OR52A5: variants seen among roughly 807,000 people sequenced by gnomAD.
The protein encoded by OR52A5 is olfactory receptor family 52 subfamily A member 5.
A neutral mutation model predicts 18.2 loss-of-function variants in OR52A5; 16 were observed. That is an observed-to-expected ratio of 0.88 (90% CI 0.60 to 1.34). OR52A5 has a LOEUF of 1.34. Ranked by LOEUF, OR52A5 falls within the 40% of genes most tolerant of loss-of-function variation. The probability of loss-of-function intolerance (pLI) is 0.00; values close to 1 mark genes in which losing one functional copy is unlikely to be tolerated. For missense variants in OR52A5, 418 were observed against 383.0 expected, an observed-to-expected ratio of 1.09 and a Z score of -0.76; for synonymous variants, 140 against 137.2, an observed-to-expected ratio of 1.02 and a Z score of -0.14.
chr11:5,132,695 T>C lies in OR52A5; in HGVS notation c.-53A>G. The C allele has an allele frequency of 2.6e-6, 3 of 1,153,618 alleles. No homozygotes were observed. Among genetic ancestry groups the C allele is most frequent in the Non-Finnish European group, 3.7e-6 (3 of 806,696 alleles). The allele number at this position is 1,153,618 out of a possible 1,614,324, so 71.5% of individuals were successfully genotyped here. Reference sequence around the variant, plus strand: ...ATTTGCTGTTTCATCTTCTATTCTCTGTTGAGCCTTGATGAATTAAAAATT... The same window carrying C: ...ATTTGCTGTTTCATCTTCTATTCTCCGTTGAGCCTTGATGAATTAAAAATT... On this transcript the variant is annotated 5_prime_UTR_variant, in exon 2 of 2. Transcript: ENST00000307388.
chr11:5,133,028 C>T (rs1159554529), intron 1 of OR52A5, among the ~76,000 whole-genome samples: 1 of 151,866 alleles, frequency 6.6e-6, no homozygotes, highest in Non-Finnish European at 1.5e-5. Flanking sequence ...TTATTTAATG[C>T]AGAGCAAAGA....
intron 1 of OR52A5, among the ~76,000 whole-genome samples, chr11:5,133,749 T>G (rs2133524558): frequency 6.6e-6 from 1 of 152,224 alleles, no homozygotes; most frequent in Admixed American, 6.5e-5. Context: ...ACATATACCC[T>G]CTAATTTTCA....
Position 5,132,663 on chromosome 11 carries a change from G to A in OR52A5, c.-21C>T, listed in dbSNP as rs1454136239. The A allele has an allele frequency of 2.0e-6, 3 of 1,489,540 alleles. No homozygotes were observed. Among genetic ancestry groups the A allele is most frequent in the South Asian group, 1.3e-5 (1 of 78,782 alleles). 92.3% of individuals were successfully genotyped at this position (1,489,540 alleles called of 1,614,324 possible). ...GGCATGATTTGTTCATCAGAATCAA[G>A]TGGTAGATTTGCTGTTTCATCTTCT... On this transcript the variant is annotated 5_prime_UTR_variant, in exon 2 of 2. Transcript: ENST00000307388.
At position 5,132,647 on chromosome 11, in the gene OR52A5, T is replaced by G. The variant is rs1237418831; in HGVS notation, c.-5A>C. The G allele has an allele frequency of 1.9e-6, 3 of 1,565,038 alleles. No homozygotes were observed. The African/African-American group carries it at 4.1e-5, about 21-fold the overall frequency. On this transcript the variant is annotated 5_prime_UTR_variant, in exon 2 of 2. Coordinates refer to ENST00000307388, the MANE Select transcript of OR52A5 (RefSeq NM_001005160.3). ...TGAGCCATTGAATGTCGGCATGATT[T>G]GTTCATCAGAATCAAGTGGTAGATT...
At position 5,131,476 on chromosome 11, in the gene OR52A5, A is replaced by G. The variant is rs1024245357; in HGVS notation, c.*216T>C. 8.8e-6 allele frequency: 3 copies of G among 341,596 alleles called. No homozygotes were observed. Among genetic ancestry groups the G allele is most frequent in the Non-Finnish European group, 1.6e-5 (3 of 186,592 alleles). The allele number at this position is 341,596 out of a possible 1,614,324, so 21.2% of individuals were successfully genotyped here. A position where few individuals can be genotyped will look rare whatever the true frequency, so the allele number is the denominator to read the frequency against. On this transcript the variant is annotated 3_prime_UTR_variant, in exon 2 of 2. Transcript: ENST00000307388. Reference sequence around the variant, plus strand: ...GTATTACTGATTTCATATTATTTTTATATTGATAAGTATTTCAGATAAAGT... The same window carrying G: ...GTATTACTGATTTCATATTATTTTTGTATTGATAAGTATTTCAGATAAAGT...
rs1489612921 is a variant in OR52A5 at position 5,135,645 on chromosome 11, G to T, written c.-61+2666C>A. ...TCTCTCTCAAGCCTGCTACCCAGAG[G>T]CTTCATCTGCATGATAAAACTTTGA... On this transcript the variant is annotated intron_variant, in intron 1 of 1. Transcript: ENST00000307388. Among the ~76,000 whole-genome samples, 5 of 152,134 alleles carry T rather than the reference G, an allele frequency of 3.3e-5. No homozygotes were observed. The South Asian group carries it at 8.3e-4, about 25-fold the overall frequency.
intron 1 of OR52A5, among the ~76,000 whole-genome samples, chr11:5,133,463 GA>G (rs1846363227): frequency 7.1e-6 from 1 of 140,902 alleles, no homozygotes; most frequent in Non-Finnish European, 1.5e-5. Context: ...CTTTAGTTTT[GA>G]AATCCACTGG....
chr11:5,131,742 G>C lies in OR52A5; in HGVS notation c.901C>G (p.Gln301Glu). 6.2e-7 allele frequency: 1 copy of C among 1,613,712 alleles called. No individual in the cohort carries two copies. Among genetic ancestry groups the C allele is most frequent in the South Asian group, 1.1e-5 (1 of 91,006 alleles). ...ACTTTCACAATATGGTCACGAATTT[G>C]CTTGGTCTTCACTCCATAGACAATA... ...NPIVYGVKTK[Q>E]IRDHIVKVFF... The change falls in exon 2 of 2, where the codon CAA becomes GAA. Residue 301 changes from glutamine to glutamate, a missense_variant. Gln to Glu is a conservative substitution (Grantham distance 29, BLOSUM62 2). Coordinates refer to ENST00000307388, the MANE Select transcript of OR52A5 (RefSeq NM_001005160.3).
rs529698874 is a variant in OR52A5 at position 5,137,232 on chromosome 11, T to C, written c.-61+1079A>G. 5.3e-5 allele frequency among the ~76,000 whole-genome samples: 8 copies of C among 152,298 alleles called. No homozygotes were observed. In the South Asian group the frequency reaches 1.7e-3, roughly 32 times the overall value. On this transcript the variant is annotated intron_variant, in intron 1 of 1. Coordinates refer to ENST00000307388, the MANE Select transcript of OR52A5 (RefSeq NM_001005160.3). The stretch of plus-strand genomic sequence containing the variant: ...CATATGTTTAAAGGAAGAAGAAAAC[T>C]TCCCAAAGCCCTTGAAATTCCTGGG...
chr11:5,134,949 A>C (rs1049462675), intron 1 of OR52A5, among the ~76,000 whole-genome samples: 1 of 152,118 alleles, frequency 6.6e-6, no homozygotes, highest in African/African-American at 2.4e-5. Context: ...GGCTCACTGC[A>C]AGCTCCGCCT....
In OR52A5 at chr11:5,129,325, T is replaced by G. The variant is rs1280696348; in HGVS notation, c.*2367A>C. On this transcript the variant is annotated 3_prime_UTR_variant, in exon 2 of 2. Coordinates refer to ENST00000307388, the MANE Select transcript of OR52A5 (RefSeq NM_001005160.3). ...CTGAGGCTCGTATTGTTAGCCCCAT[T>G]GTAGAGAAGAGGAAATAACATGCCC... 1 of 152,092 alleles carries G rather than the reference T, an allele frequency of 6.6e-6. No individual in the cohort carries two copies. Among genetic ancestry groups the G allele is most frequent in the Non-Finnish European group, 1.5e-5 (1 of 68,022 alleles). The allele number at this position is 152,092 out of a possible 1,614,324, so 9.4% of individuals were successfully genotyped here.
chr11:5,136,983 C>T (rs1846397644), intron 1 of OR52A5, among the ~76,000 whole-genome samples: 1 of 152,124 alleles, frequency 6.6e-6, no homozygotes, highest in African/African-American at 2.4e-5. Context: ...AGAGCAAGGG[C>T]ATAGTAAGAT....
chr11:5,130,228 T>C lies in OR52A5; in HGVS notation c.*1464A>G, dbSNP rs1191233586. 6.6e-6 allele frequency: 1 copy of C among 152,134 alleles called. No homozygotes were observed. The highest frequency in any genetic ancestry group is 1.5e-5 in the Non-Finnish European group (1 of 68,002). The allele number at this position is 152,134 out of a possible 1,614,324, so 9.4% of individuals were successfully genotyped here. A position where few individuals can be genotyped will look rare whatever the true frequency, so the allele number is the denominator to read the frequency against. ...TTGGTGCATTTTTATACCAGATACT[T>C]TGAAATACAGTTTTTTCATTCACTC... On this transcript the variant is annotated 3_prime_UTR_variant, in exon 2 of 2. Coordinates refer to ENST00000307388, the MANE Select transcript of OR52A5 (RefSeq NM_001005160.3).
intron 1 of OR52A5, among the ~76,000 whole-genome samples, chr11:5,135,663 A>G (rs766487917): frequency 7.2e-5 from 11 of 152,180 alleles, no homozygotes; most frequent in Non-Finnish European, 1.3e-4. Context: ...TGCATGATAA[A>G]ACTTTGATCT....
chr11:5,132,888 G>A (rs996660537), intron 1 of OR52A5, among the ~76,000 whole-genome samples, 186 bp from the exon 2 acceptor site: 10 of 152,068 alleles, frequency 6.6e-5, no homozygotes, highest in African/African-American at 9.7e-5. Flanking sequence ...CATTTTCAAT[G>A]GGCAAAATTA....
Position 5,132,456 on chromosome 11 carries a change from T to G in OR52A5, c.187A>C (p.Ile63Leu), listed in dbSNP as rs759759899. ...GTGGCTGCCAACATGGCCAAAAAAA[T>G]GTACATGGGTATATGGAGGCTGTTT... ...YENSLHIPMYIFLAMLAATDI... is the reference protein window; with the variant it reads ...YENSLHIPMYLFLAMLAATDI... Residue 63 changes from isoleucine (I) to leucine (L), a missense_variant, in exon 2 of 2, where the codon ATT (isoleucine) becomes CTT (leucine). Ile to Leu is a conservative substitution (Grantham distance 5). Transcript: ENST00000307388. 2 of 1,614,062 alleles carry G rather than the reference T, an allele frequency of 1.2e-6. No homozygotes were observed. The highest frequency in any genetic ancestry group is 2.2e-5 in the South Asian group (2 of 91,062).
intron 1 of OR52A5, among the ~76,000 whole-genome samples, chr11:5,134,055 G>A (rs185278606): frequency 3.9e-5 from 6 of 152,288 alleles, no homozygotes; most frequent in Non-Finnish European, 5.9e-5. Context: ...TCTGTTACCA[G>A]GGGACAAGTG....
At chr11:5,135,481 T>G (rs1260639218) in intron 1 of OR52A5, among the ~76,000 whole-genome samples, 1 of 152,144 alleles carries the variant, frequency 6.6e-6, no homozygotes, top group Non-Finnish European at 1.5e-5. Flanking sequence ...TTTCTCCTGA[T>G]CCAAGGCACT....
intron 1 of OR52A5, among the ~76,000 whole-genome samples, chr11:5,136,185 T>A (rs1272992694): frequency 6.6e-6 from 1 of 152,026 alleles, no homozygotes; most frequent in Non-Finnish European, 1.5e-5. Flanking sequence ...GTGAACAAAA[T>A]AGCAAGTGAA....
Sources: allele counts gnomAD v4.1 joint callset (sites outside exome capture counted in the v4.1 genomes callset), GRCh38; gene constraint gnomAD v4.1.1; transcripts MANE v1.5; gene names NCBI Gene and HGNC (gene_info 2026-07-23, HGNC 2026-07-21).